Variants in TXLNG observed in about 807,000 individuals in gnomAD.
TXLNG encodes taxilin gamma, also known as gamma-taxilin.
A neutral mutation model predicts 38.8 loss-of-function variants in TXLNG; 5 were observed. The observed-to-expected ratio is 0.13, with a 90% CI of 0.07 to 0.27. The LOEUF (loss-of-function observed/expected upper bound fraction) is 0.27, where lower values mean the gene tolerates loss of function less well. TXLNG is among the 10% of genes least tolerant of loss of function. The probability of loss-of-function intolerance (pLI) is 1.00; values close to 1 mark genes in which losing one functional copy is unlikely to be tolerated. For missense variants in TXLNG, 393 were observed against 398.2 expected (o/e 0.99, Z 0.11); for synonymous variants, 182 against 158.2 (o/e 1.15, Z -1.13).
At chrX:16,822,090 G>A (rs1311689375) in intron 3 of TXLNG, among the ~76,000 whole-genome samples, 2 of 110,084 alleles carry the variant, frequency 1.8e-5, no homozygotes, top group African/African-American at 6.6e-5. Context: ...TGTAATCCCA[G>A]CACTTTGGGA....
intron 1 of TXLNG, among the ~76,000 whole-genome samples, chrX:16,797,192 G>GA (rs778666750): frequency 9.3e-6 from 1 of 107,986 alleles, no homozygotes; most frequent in East Asian, 2.9e-4. Context: ...GCTGAGGCAG[G>GA]AAAATCACTT....
At position 16,815,962 on chromosome X, in the gene TXLNG, C is replaced by T. The variant is rs754262123; in HGVS notation, c.103-2612C>T. ...TGACATTTCAATATTTGATTAGAGG[C>T]GAAACTAGTAGTTACATGTGAAATG... On this transcript the variant is annotated intron_variant, in intron 1 of 9. Transcript: ENST00000380122. 4.5e-5 allele frequency among the ~76,000 whole-genome samples: 5 copies of T among 110,999 alleles called. No homozygotes were observed. The South Asian group carries it at 1.5e-3, about 34-fold the overall frequency.
At chrX:16,808,104 C>T (rs1928392414) in intron 1 of TXLNG, among the ~76,000 whole-genome samples, 1 of 111,669 alleles carries the variant, frequency 9.0e-6, no homozygotes, top group Non-Finnish European at 1.9e-5. Flanking sequence ...TTAGTGAGTC[C>T]TCTTAGCTCC....
At chrX:16,823,038 A>G (rs1257172686) in intron 3 of TXLNG, among the ~76,000 whole-genome samples, 1 of 111,773 alleles carries the variant, frequency 8.9e-6, no homozygotes, top group South Asian at 3.7e-4. Context: ...TCATTTCAGG[A>G]TGTGACACAT....
Position 16,829,698 on chromosome X carries a change from A to G in TXLNG, c.792A>G (p.Lys264=), listed in dbSNP as rs1929312482. 2.5e-6 allele frequency: 3 copies of G among 1,211,843 alleles called. No homozygotes were observed. The highest frequency in any genetic ancestry group is 3.5e-5 in the African/African-American group (2 of 57,793). ...QLEQHDIHNA[K]LRQENIELGE... The stretch of plus-strand genomic sequence containing the variant: ...AGCAGCATGACATCCACAACGCCAA[A>G]CTCCGACAGGAAAACATTGAGCTGG... The change falls in exon 5 of 10, where the codon AAA becomes AAG. Residue 264 remains lysine, a synonymous_variant. Transcript: ENST00000380122.
At position 16,843,091 on chromosome X, in the gene TXLNG, T is replaced by G. The variant is rs183591654; in HGVS notation, c.*1325T>G. On this transcript the variant is annotated 3_prime_UTR_variant, in exon 10 of 10. Transcript: ENST00000380122. ...GTTTTGACTTTGTCCCTGGTATAAT[T>G]TGCATTGAAATGCTTTATGAAATAA... The G allele has an allele frequency of 2.7e-5, 3 of 112,509 alleles. No individual in the cohort carries two copies. The highest frequency in any genetic ancestry group is 9.7e-5 in the African/African-American group (3 of 30,993). The allele number at this position is 112,509 out of a possible 1,213,427, so 9.3% of individuals were successfully genotyped here.
In TXLNG at chrX:16,837,770, C is replaced by G. The variant is rs764896567; in HGVS notation, c.1152+85C>G. The G allele has an allele frequency of 3.3e-5, 24 of 726,788 alleles. No individual in the cohort carries two copies. In the African/African-American group the frequency reaches 4.2e-4, roughly 13 times the overall value. The allele number at this position is 726,788 out of a possible 1,213,427, so 59.9% of individuals were successfully genotyped here. ...GTGTGATTACTATTTTGCTGAGTTT[C>G]CTTTGTTATGATACTGTCTTCATTT... On this transcript the variant is annotated intron_variant, in intron 8 of 9. Coordinates refer to ENST00000380122, the MANE Select transcript of TXLNG (RefSeq NM_018360.3).
chrX:16,833,693 T>G (rs1046405329), intron 6 of TXLNG, among the ~76,000 whole-genome samples: 3 of 112,178 alleles, frequency 2.7e-5, no homozygotes, highest in Non-Finnish European at 5.6e-5. Context: ...GTAGGACTTT[T>G]CTAGGCTTCT....
rs758771415 is a variant in TXLNG, at chrX:16,809,866, C to T, written c.103-8708C>T. On this transcript the variant is annotated intron_variant, in intron 1 of 9. Coordinates refer to ENST00000380122, the MANE Select transcript of TXLNG (RefSeq NM_018360.3). The stretch of plus-strand genomic sequence containing the variant: ...TGTTTTGTAATTCATTTTTGTACAT[C>T]GTATTTTGGGAGCATCTCTTCCCAT... Among the ~76,000 whole-genome samples the T allele has an allele frequency of 3.6e-5, 4 of 111,788 alleles. No individual in the cohort carries two copies. The East Asian group carries it at 8.4e-4, about 23-fold the overall frequency.
intron 1 of TXLNG, among the ~76,000 whole-genome samples, chrX:16,802,506 C>T (rs962719110): frequency 9.0e-6 from 1 of 110,501 alleles, no homozygotes; most frequent in Admixed American, 9.8e-5. Context: ...CCACCTCAGC[C>T]TCCCAAAGTG....
At chrX:16,791,353 C>T (rs975955935) in intron 1 of TXLNG, among the ~76,000 whole-genome samples, 1 of 86,241 alleles carries the variant, frequency 1.2e-5, no homozygotes, top group Non-Finnish European at 2.5e-5. Context: ...TCTTCTGGTA[C>T]AGAGATTAAG....
At chrX:16,812,402 T>G in intron 1 of TXLNG, among the ~76,000 whole-genome samples, 1 of 106,197 alleles carries the variant, frequency 9.4e-6, no homozygotes, top group Non-Finnish European at 1.9e-5. Flanking sequence ...ATTCCTTTTT[T>G]TTTTTTTTTG....
chrX:16,804,985 CTT>C (rs35314233), intron 1 of TXLNG, among the ~76,000 whole-genome samples: 521 of 1,970 alleles, frequency 0.26, 11 homozygotes, highest in Non-Finnish European at 0.27. Flanking sequence ...CCCCCCCCCG[CTT>C]TTTTTTTTTT....
intron 1 of TXLNG, among the ~76,000 whole-genome samples, chrX:16,797,717 ATCT>A (rs773686192): frequency 6.2e-4 from 70 of 112,643 alleles, no homozygotes; most frequent in African/African-American, 2.0e-3. Context: ...TAGAAATGAC[ATCT>A]TCTCACTTTT....
chrX:16,804,985 C>CTT (rs35314233), intron 1 of TXLNG, among the ~76,000 whole-genome samples: 18 of 2,135 alleles, frequency 8.4e-3, no homozygotes, highest in African/African-American at 0.03. Flanking sequence ...CCCCCCCCCG[C>CTT]TTTTTTTTTT....
At chrX:16,833,191 T>C (rs897368990) in intron 6 of TXLNG, among the ~76,000 whole-genome samples, 7 of 112,262 alleles carry the variant, frequency 6.2e-5, no homozygotes, top group African/African-American at 2.3e-4. Flanking sequence ...AACAAGTAAC[T>C]TGAAACTGGG....
At chrX:16,793,929 G>A (rs988414589) in intron 1 of TXLNG, among the ~76,000 whole-genome samples, 13 of 111,821 alleles carry the variant, frequency 1.2e-4, no homozygotes, top group Non-Finnish European at 1.9e-5. Flanking sequence ...GATTACAGGC[G>A]TGAGCCACTG....
intron 1 of TXLNG, among the ~76,000 whole-genome samples, chrX:16,790,889 A>G (rs1927677364): frequency 8.9e-6 from 1 of 111,890 alleles, no homozygotes; most frequent in Non-Finnish European, 1.9e-5. Context: ...ATACTACAGT[A>G]ATGAGTAGTG....
At chrX:16,826,560 T>C (rs929391154) in intron 3 of TXLNG, among the ~76,000 whole-genome samples, 9 of 111,735 alleles carry the variant, frequency 8.1e-5, no homozygotes, top group Admixed American at 9.5e-5. Context: ...TACTGAGTTT[T>C]AGATTCTGAT....
Sources: gnomAD v4.1 joint callset for allele counts (sites outside exome capture counted in the v4.1 genomes callset) on GRCh38, gnomAD v4.1.1 for gene constraint, MANE v1.5 for transcripts, NCBI Gene and HGNC (gene_info 2026-07-23, HGNC 2026-07-21) for gene names.